PDGFRL: variants seen among roughly 807,000 people sequenced by gnomAD.
PDGFRL encodes platelet-derived growth factor receptor-like protein.
Under a neutral mutation model 37.2 loss-of-function variants are expected in PDGFRL, and 46 were observed. The ratio of observed to expected loss-of-function variants is 1.24; its 90% CI spans 0.98 to 1.58. The LOEUF (loss-of-function observed/expected upper bound fraction) is 1.58, where lower values mean the gene tolerates loss of function less well. Ranked by LOEUF, PDGFRL falls within the 40% of genes most tolerant of loss-of-function variation. PDGFRL has a pLI of 0.00. For synonymous variants in PDGFRL, 251 were observed against 184.3 expected (o/e 1.36, Z -2.93); for missense variants, 692 against 467.6 (o/e 1.48, Z -4.43).
intron 1 of PDGFRL, among the ~76,000 whole-genome samples, chr8:17,588,861 A>T (rs1229062257): frequency 6.6e-6 from 1 of 152,196 alleles, no homozygotes; most frequent in Non-Finnish European, 1.5e-5. Context: ...CTTGGAGACT[A>T]TGAGACGGTG....
chr8:17,588,933 T>C (rs2150811990), intron 1 of PDGFRL, among the ~76,000 whole-genome samples: 1 of 152,302 alleles, frequency 6.6e-6, no homozygotes, highest in Non-Finnish European at 1.5e-5. Flanking sequence ...ACATGAACTG[T>C]TTTGCTGAAT....
chr8:17,620,388 CT>C (rs1284484409), intron 2 of PDGFRL, among the ~76,000 whole-genome samples: 1 of 151,974 alleles, frequency 6.6e-6, no homozygotes, highest in Non-Finnish European at 1.5e-5. Flanking sequence ...ATAGATTTTG[CT>C]TTTTAGGGTG....
chr8:17,622,187 C>T (rs988195214), intron 3 of PDGFRL, among the ~76,000 whole-genome samples: 1 of 152,212 alleles, frequency 6.6e-6, no homozygotes. Flanking sequence ...ACTGCTCAGC[C>T]TCTTTCTTCT....
chr8:17,587,561 TGAGA>T (rs776930713), intron 1 of PDGFRL, among the ~76,000 whole-genome samples: 7 of 152,120 alleles, frequency 4.6e-5, no homozygotes, highest in Non-Finnish European at 1.0e-4. Context: ...TTTCTTTTTT[TGAGA>T]GAGAGTCTTG....
rs770581489 is a variant in PDGFRL at position 17,589,560 on chromosome 8, C to T, written c.148C>T (p.Pro50Ser). Residue 50 changes from proline (P) to serine (S), a missense_variant, in exon 2 of 6, where the codon CCT becomes TCT. Coordinates refer to ENST00000251630, the MANE Select transcript of PDGFRL (RefSeq NM_001372073.1). Reference protein sequence around the residue: ...PTNKKVKPKIPKMKDRDSANS... With the variant: ...PTNKKVKPKISKMKDRDSANS... ...CAACAAGAAGGTGAAGCCCAAAATT[C>T]CTAAAATGAAGGACAGGGACTCAGC... is the stretch of plus-strand genomic sequence containing the variant. The T allele has an allele frequency of 5.0e-6, 8 of 1,613,460 alleles. No individual in the cohort carries two copies. The East Asian group carries it at 1.3e-4, about 27-fold the overall frequency.
chr8:17,585,016 G>A (rs1418516402), intron 1 of PDGFRL, among the ~76,000 whole-genome samples: 1 of 152,056 alleles, frequency 6.6e-6, no homozygotes, highest in Non-Finnish European at 1.5e-5. Context: ...GGAAATTCCT[G>A]GAACTGAGGG....
At chr8:17,623,485 A>T (rs1214948673) in intron 3 of PDGFRL, among the ~76,000 whole-genome samples, 1 of 152,236 alleles carries the variant, frequency 6.6e-6, no homozygotes, top group African/African-American at 2.4e-5. Context: ...TTGCAGAAGG[A>T]AGATTCTTTG....
At chr8:17,608,148 G>C (rs1287140434) in intron 2 of PDGFRL, among the ~76,000 whole-genome samples, 3 of 152,152 alleles carry the variant, frequency 2.0e-5, no homozygotes, top group Admixed American at 6.6e-5. Context: ...GACTTTGCTT[G>C]GATTGCCTTT....
intron 2 of PDGFRL, among the ~76,000 whole-genome samples, chr8:17,607,911 A>C (rs963418167): frequency 6.6e-6 from 1 of 152,230 alleles, no homozygotes; most frequent in Admixed American, 6.5e-5. Context: ...TAAAAAAGCA[A>C]AACGAAGATG....
chr8:17,629,396 C>G (rs927772031), intron 4 of PDGFRL, among the ~76,000 whole-genome samples: 12 of 152,020 alleles, frequency 7.9e-5, no homozygotes, highest in African/African-American at 2.7e-4. Flanking sequence ...CTTCTATGTC[C>G]CCAAACTCCT....
At chr8:17,596,589 G>A (rs986640131) in intron 2 of PDGFRL, among the ~76,000 whole-genome samples, 7 of 152,130 alleles carry the variant, frequency 4.6e-5, no homozygotes, top group African/African-American at 1.4e-4. Flanking sequence ...ATATTAAAAT[G>A]CATTTGAAAA....
chr8:17,621,375 C>A (rs561822872), intron 3 of PDGFRL, among the ~76,000 whole-genome samples, 173 bp downstream of exon 3: 1 of 151,856 alleles, frequency 6.6e-6, no homozygotes, highest in East Asian at 1.9e-4. Context: ...CTTACCGTAA[C>A]CCTTCAGGGC....
intron 4 of PDGFRL, among the ~76,000 whole-genome samples, chr8:17,633,053 C>G (rs894530095): frequency 3.9e-5 from 6 of 152,156 alleles, no homozygotes; most frequent in African/African-American, 1.4e-4. Flanking sequence ...CGCCCCTTTG[C>G]TAGAATACAG....
At chr8:17,642,294 T>C (rs549638112) in intron 5 of PDGFRL, among the ~76,000 whole-genome samples, 49 of 152,342 alleles carry the variant, frequency 3.2e-4, no homozygotes, top group African/African-American at 1.2e-3. Flanking sequence ...ATTTTGTCCC[T>C]GCTTATGCTT....
chr8:17,624,894 G>A (rs1184275594), intron 3 of PDGFRL, among the ~76,000 whole-genome samples: 2 of 152,222 alleles, frequency 1.3e-5, no homozygotes, highest in African/African-American at 4.8e-5. Flanking sequence ...CAGCCTGGGT[G>A]ACGGAGTGAG....
intron 3 of PDGFRL, among the ~76,000 whole-genome samples, chr8:17,624,554 G>C (rs532047389): frequency 6.6e-6 from 1 of 152,130 alleles, no homozygotes; most frequent in Admixed American, 6.5e-5. Flanking sequence ...CAGCAGCAGA[G>C]CTTTCTCATA....
intron 2 of PDGFRL, among the ~76,000 whole-genome samples, chr8:17,598,780 T>C (rs1229920856): frequency 6.6e-6 from 1 of 152,150 alleles, no homozygotes; most frequent in East Asian, 1.9e-4. Context: ...AATTGAATCA[T>C]AAGGGCAGTT....
chr8:17,602,777 C>A (rs894842243), intron 2 of PDGFRL, among the ~76,000 whole-genome samples: 3 of 151,946 alleles, frequency 2.0e-5, no homozygotes, highest in Non-Finnish European at 4.4e-5. Context: ...ATGAGAAGGT[C>A]CACTAGATGG....
At chr8:17,587,222 T>G (rs1803837028) in intron 1 of PDGFRL, among the ~76,000 whole-genome samples, 1 of 152,190 alleles carries the variant, frequency 6.6e-6, no homozygotes, top group Non-Finnish European at 1.5e-5. Flanking sequence ...TGGGGCTATT[T>G]GGTCAAAAGG....
Sources: allele counts gnomAD v4.1 joint callset (sites outside exome capture counted in the v4.1 genomes callset), GRCh38; gene constraint gnomAD v4.1.1; transcripts MANE v1.5; gene names NCBI Gene and HGNC (gene_info 2026-07-23, HGNC 2026-07-21).